SV2C: variants seen among roughly 807,000 people sequenced by gnomAD.
SV2C encodes the protein synaptic vesicle glycoprotein 2C.
Under a neutral mutation model 79.7 loss-of-function variants are expected in SV2C, and 49 were observed. That is an observed-to-expected ratio of 0.61 (90% CI 0.49 to 0.78). The LOEUF (loss-of-function observed/expected upper bound fraction) is 0.78, where lower values mean the gene tolerates loss of function less well. SV2C is among the 30% of genes least tolerant of loss of function. The probability of loss-of-function intolerance (pLI) is 0.00; values close to 1 mark genes in which losing one functional copy is unlikely to be tolerated. For missense variants in SV2C, 833 were observed against 912.9 expected, an observed-to-expected ratio of 0.91 and a Z score of 1.13; for synonymous variants, 334 against 333.2, an observed-to-expected ratio of 1.00 and a Z score of -0.03.
chr5:75,934,302 C>CTTTTTTTTTTTTTTTTTTT, the SV2C span, among the ~76,000 whole-genome samples: 14 of 107,836 alleles, frequency 1.3e-4, 1 homozygote, highest in African/African-American at 3.4e-4. Flanking sequence ...TTCTTTCTTT[C>CTTTTTTTTTTTTTTTTTTT]TTTTTTTTTT....
At chr5:76,289,550 T>G (rs2112502184) in intron 6 of SV2C, among the ~76,000 whole-genome samples, 1 of 152,324 alleles carries the variant, frequency 6.6e-6, no homozygotes, top group South Asian at 2.1e-4. Context: ...AAAAACTATA[T>G]TCTTTCTTTT....
chr5:75,851,339 A>C, the SV2C span, among the ~76,000 whole-genome samples: 4 of 146,966 alleles, frequency 2.7e-5, no homozygotes, highest in African/African-American at 1.1e-4. Context: ...GCTAGTAAAT[A>C]CAGAGTTCAA....
At chr5:76,036,175 T>G in the SV2C span, among the ~76,000 whole-genome samples, 21 of 151,900 alleles carry the variant, frequency 1.4e-4, no homozygotes, top group African/African-American at 4.1e-4. Context: ...TACAGCACAC[T>G]GATGGGTCTT....
At chr5:76,262,925 G>A (rs1579999806) in intron 4 of SV2C, among the ~76,000 whole-genome samples, 1 of 152,150 alleles carries the variant, frequency 6.6e-6, no homozygotes, top group African/African-American at 2.4e-5. Context: ...GGGGTGGAGA[G>A]TTCTGTAGAT....
the SV2C span, among the ~76,000 whole-genome samples, chr5:76,031,711 C>G: frequency 2.0e-5 from 3 of 152,068 alleles, no homozygotes; most frequent in African/African-American, 7.2e-5. Context: ...AACAGGAGGC[C>G]CATTTATTAA....
At chr5:75,871,822 T>TACACAC in the SV2C span, among the ~76,000 whole-genome samples, 10 of 130,610 alleles carry the variant, frequency 7.7e-5, no homozygotes, top group African/African-American at 3.5e-4. Context: ...TATAAATATA[T>TACACAC]ATATATATAT....
At chr5:75,957,071 G>A in the SV2C span, among the ~76,000 whole-genome samples, 2 of 151,850 alleles carry the variant, frequency 1.3e-5, no homozygotes, top group Admixed American at 6.6e-5. Context: ...CATTCCCTGA[G>A]TACATAATCA....
chr5:76,145,475 AAG>A (rs1749391204), intron 2 of SV2C, among the ~76,000 whole-genome samples: 1 of 152,226 alleles, frequency 6.6e-6, no homozygotes, highest in East Asian at 1.9e-4. Context: ...AGAGAAGAGA[AAG>A]AGATGCTTTA....
chr5:75,970,942 C>T, the SV2C span, among the ~76,000 whole-genome samples: 3 of 151,986 alleles, frequency 2.0e-5, no homozygotes, highest in Admixed American at 6.6e-5. Flanking sequence ...ACTGGCAAAC[C>T]GAATCCAGCA....
chr5:76,074,618 AT>A, the SV2C span, among the ~76,000 whole-genome samples: 1 of 152,090 alleles, frequency 6.6e-6, no homozygotes, highest in African/African-American at 2.4e-5. Context: ...TCTTGTGGGC[AT>A]TTTCATCTTC....
At chr5:76,208,104 T>C (rs2112351875) in intron 3 of SV2C, among the ~76,000 whole-genome samples, 1 of 152,288 alleles carries the variant, frequency 6.6e-6, no homozygotes, top group Non-Finnish European at 1.5e-5. Context: ...ACTGCTGTCA[T>C]AGCCCAGAGA....
intron 1 of SV2C, among the ~76,000 whole-genome samples, chr5:76,096,515 C>A (rs1283972107): frequency 1.3e-5 from 2 of 152,082 alleles, no homozygotes; most frequent in African/African-American, 2.4e-5. Context: ...TTTCAAGTTG[C>A]ATTTTGAATT....
chr5:76,127,155 G>A (rs1422290364), intron 1 of SV2C, among the ~76,000 whole-genome samples: 1 of 152,200 alleles, frequency 6.6e-6, no homozygotes, highest in African/African-American at 2.4e-5. Flanking sequence ...GATTGATGGT[G>A]GTGATGAGGA....
chr5:75,881,700 G>A, the SV2C span, among the ~76,000 whole-genome samples: 2 of 152,032 alleles, frequency 1.3e-5, no homozygotes, highest in East Asian at 3.9e-4. Context: ...ATTTTGGGCT[G>A]AGACAATGGG....
the SV2C span, among the ~76,000 whole-genome samples, chr5:76,063,592 C>T: frequency 6.6e-6 from 1 of 152,278 alleles, no homozygotes; most frequent in East Asian, 1.9e-4. Context: ...TCCCACTATG[C>T]AGGCTTTTAC....
the SV2C span, among the ~76,000 whole-genome samples, chr5:75,859,258 T>C: frequency 6.6e-6 from 1 of 152,220 alleles, no homozygotes; most frequent in Non-Finnish European, 1.5e-5. Flanking sequence ...ATCTATCATT[T>C]GAATGAATCC....
At chr5:76,312,579 C>T (rs1475004316) in intron 12 of SV2C, among the ~76,000 whole-genome samples, 1 of 152,158 alleles carries the variant, frequency 6.6e-6, no homozygotes, top group Non-Finnish European at 1.5e-5. Flanking sequence ...ACCCCTCCTC[C>T]GTGGCGCTCG....
the SV2C span, among the ~76,000 whole-genome samples, chr5:75,976,355 T>A: frequency 6.6e-6 from 1 of 152,080 alleles, no homozygotes; most frequent in African/African-American, 2.4e-5. Context: ...ATTTATGGAG[T>A]ACAGAGAAAG....
chr5:76,125,891 C>A (rs1020707410), intron 1 of SV2C, among the ~76,000 whole-genome samples: 7 of 152,050 alleles, frequency 4.6e-5, no homozygotes, highest in African/African-American at 1.2e-4. Context: ...GACTTCATCT[C>A]TACAAAAAAT....
Sources: gnomAD v4.1 joint callset for allele counts (sites outside exome capture counted in the v4.1 genomes callset) on GRCh38, gnomAD v4.1.1 for gene constraint, MANE v1.5 for transcripts, NCBI Gene and HGNC (gene_info 2026-07-23, HGNC 2026-07-21) for gene names.